The following IPO4 variants were observed in gnomAD, a reference collection of about 807,000 sequenced individuals.
IPO4 encodes the protein importin-4.
Under a neutral mutation model 133.5 loss-of-function variants are expected in IPO4, and 91 were observed. The observed-to-expected ratio is 0.68, with a 90% CI of 0.58 to 0.81. The LOEUF is 0.81. Ranked by LOEUF, IPO4 falls within the 30% of genes least tolerant of loss-of-function variation. IPO4 has a pLI of 0.00. For missense variants in IPO4, 1,279 were observed against 1,386.2 expected (o/e 0.92, Z 1.23); for synonymous variants, 607 against 581.6 (o/e 1.04, Z -0.63).
In IPO4 at chr14:24,187,657, G is replaced by A; in HGVS notation, c.408+10C>T. 1 of 1,613,862 alleles carries A rather than the reference G, an allele frequency of 6.2e-7. No individual in the cohort carries two copies. The highest frequency in any genetic ancestry group is 8.5e-7 in the Non-Finnish European group (1 of 1,179,702). Reference sequence around the variant, plus strand: ...TCAGGCCCTCCCTCCTGCCAACCATGTGATGGTACCTCTCTCTCTGGGCTG... The same window carrying A: ...TCAGGCCCTCCCTCCTGCCAACCATATGATGGTACCTCTCTCTCTGGGCTG... On this transcript the variant is annotated intron_variant, in intron 5 of 29. Transcript: ENST00000354464.
Position 24,181,969 on chromosome 14 carries a change from GCCC to G in IPO4, c.2790_2792del (p.Gly931del). The stretch of plus-strand genomic sequence containing the variant: ...GCCAAGGATACTCCTGGGCAGGGTG[GCCC>G]CCATGCTCTGCCAGCACGCCCATCC... On this transcript the variant is annotated inframe_deletion, in exon 26 of 30. Transcript: ENST00000354464. 1.2e-6 allele frequency: 2 copies of G among 1,611,238 alleles called. No homozygotes were observed. The highest frequency in any genetic ancestry group is 1.7e-6 in the Non-Finnish European group (2 of 1,180,020).
In IPO4 at chr14:24,187,695, G is replaced by A; in HGVS notation, c.380C>T (p.Thr127Ile). 3 of 1,614,258 alleles carry A rather than the reference G, an allele frequency of 1.9e-6. No homozygotes were observed. Among genetic ancestry groups the A allele is most frequent in the Non-Finnish European group, 2.5e-6 (3 of 1,180,050 alleles). Residue 127 changes from threonine to isoleucine, a missense_variant, in exon 5 of 30, where the codon ACC (threonine) becomes ATC (isoleucine). Coordinates refer to ENST00000354464, the MANE Select transcript of IPO4 (RefSeq NM_024658.4). ...PQLLQLLQHS[T>I]HSPHSPEREM... ...TCTCTCTGGGCTGTGGGGGCTGTGGGTACTGTGCTGAAGCAGCTGCAAAAG... is the reference window on the plus strand; with the variant it reads ...TCTCTCTGGGCTGTGGGGGCTGTGGATACTGTGCTGAAGCAGCTGCAAAAG...
chr14:24,188,479 G>T, intron 2 of IPO4, 56 bp from the exon 3 acceptor site: 1 of 1,605,982 alleles, frequency 6.2e-7, no homozygotes, highest in Non-Finnish European at 8.5e-7. Context: ...TGAGCGGACC[G>T]CAGTGGGCGA....
chr14:24,188,689 C>T (rs1277511550), intron 1 of IPO4, 30 bp downstream of exon 1: 2 of 1,598,598 alleles, frequency 1.3e-6, no homozygotes, highest in Non-Finnish European at 1.7e-6. Flanking sequence ...ACCTCCCGCT[C>T]GCCCTGGCCC....
Position 24,181,619 on chromosome 14 carries a change from T to C in IPO4, c.2941-2A>G, listed in dbSNP as rs747836677. 2 of 1,614,050 alleles carry C rather than the reference T, an allele frequency of 1.2e-6. No homozygotes were observed. The highest frequency in any genetic ancestry group is 1.7e-5 in the Admixed American group (1 of 60,018). On this transcript the variant is annotated splice_acceptor_variant, in intron 27 of 29. Transcript: ENST00000354464. LOFTEE classifies it high-confidence loss of function. ...GGCATGCAGTAGGGCAGCCAGCACC[T>C]GGGCACACAAATGTCTCAGGCCAAC...
Position 24,188,229 on chromosome 14 carries a change from G to T in IPO4, c.265C>A (p.Gln89Lys). 6.2e-7 allele frequency: 1 copy of T among 1,613,524 alleles called. No individual in the cohort carries two copies. Among genetic ancestry groups the T allele is most frequent in the Non-Finnish European group, 8.5e-7 (1 of 1,179,736 alleles). Residue 89 changes from glutamine to lysine, a missense_variant, in exon 4 of 30, where the codon CAG becomes AAG. Gln to Lys is a moderately conservative substitution (Grantham distance 53). Coordinates refer to ENST00000354464, the MANE Select transcript of IPO4 (RefSeq NM_024658.4). Reference sequence around the variant, plus strand: ...GTAGGTACTTACTCTGTTTCTCTCTGCAGGGCCGTCAGGATCAGGGACTTG... The same window carrying T: ...GTAGGTACTTACTCTGTTTCTCTCTTCAGGGCCGTCAGGATCAGGGACTTG... ...SLKSLILTAL[Q>K]RETEHCVSLS...
Position 24,184,126 on chromosome 14 carries a change from G to A in IPO4, c.1758-17C>T, listed in dbSNP as rs1014763692. ...AGGCTGTACCTGGTCAAAGCAGGCA[G>A]AAGAAGCTGTAAGGTCCTGCCTGCT... is the stretch of plus-strand genomic sequence containing the variant. On this transcript the variant is annotated splice_polypyrimidine_tract_variant and intron_variant, in intron 17 of 29. Transcript: ENST00000354464. The A allele has an allele frequency of 1.2e-6, 2 of 1,608,698 alleles. No homozygotes were observed. The highest frequency in any genetic ancestry group is 1.7e-6 in the Non-Finnish European group (2 of 1,177,170).
chr14:24,182,092 A>G lies in IPO4; in HGVS notation c.2670T>C (p.Gly890=), dbSNP rs1280407818. ...GTLAETIQGL[G]AASAQFVSRL... ...GAGACACAAACTGGGCTGAGGCAGC[A>G]CCCAGGCCCTGAATAGTCTCTGCCA... The change falls in exon 26 of 30, where the codon GGT becomes GGC. Residue 890 remains glycine (G), a synonymous_variant. Coordinates refer to ENST00000354464, the MANE Select transcript of IPO4 (RefSeq NM_024658.4). 1 of 1,614,002 alleles carries G rather than the reference A, an allele frequency of 6.2e-7. No individual in the cohort carries two copies. Among genetic ancestry groups the G allele is most frequent in the South Asian group, 1.1e-5 (1 of 91,084 alleles).
At position 24,188,237 on chromosome 14, in the gene IPO4, G is replaced by A; in HGVS notation, c.257C>T (p.Thr86Met). ...TTACTCTGTTTCTCTCTGCAGGGCC[G>A]TCAGGATCAGGGACTTGAGGCTGGA... Reference protein sequence around the residue: ...QRESLKSLILTALQRETEHCV... With the variant: ...QRESLKSLILMALQRETEHCV... Residue 86 changes from threonine (T) to methionine (M), a missense_variant, in exon 4 of 30, where the codon ACG (threonine) becomes ATG (methionine). Coordinates refer to ENST00000354464, the MANE Select transcript of IPO4 (RefSeq NM_024658.4). 6.2e-7 allele frequency: 1 copy of A among 1,613,568 alleles called. No individual in the cohort carries two copies. The highest frequency in any genetic ancestry group is 8.5e-7 in the Non-Finnish European group (1 of 1,179,766).
chr14:24,181,797 C>T lies in IPO4; in HGVS notation c.2854G>A (p.Glu952Lys). 1 of 1,599,278 alleles carries T rather than the reference C, an allele frequency of 6.3e-7. No homozygotes were observed. ...LGLLFPLLARERHDRVRDNIC... is the reference protein window; with the variant it reads ...LGLLFPLLARKRHDRVRDNIC... Reference sequence around the variant, plus strand: ...TTGTCACGGACACGATCATGTCGCTCCCGCGCCAGGAGGGGAAAAAGGAGC... The same window carrying T: ...TTGTCACGGACACGATCATGTCGCTTCCGCGCCAGGAGGGGAAAAAGGAGC... The change falls in exon 27 of 30, where the codon GAG becomes AAG. Residue 952 changes from glutamate to lysine, a missense_variant. Physicochemically the swap from Glu to Lys is moderately conservative, Grantham distance 56. This residue lies in a region of IPO4 where 575 missense variants were observed against 653.4 expected (regional missense o/e 0.88). Transcript: ENST00000354464.
intron 23 of IPO4, 32 bp downstream of exon 23, chr14:24,182,944 T>A (rs756317685): frequency 6.2e-7 from 1 of 1,613,110 alleles, no homozygotes; most frequent in Non-Finnish European, 8.5e-7. Flanking sequence ...GCCCAGCACC[T>A]CTCCTTCCCG....
At position 24,183,107 on chromosome 14, in the gene IPO4, C is replaced by G. The variant is rs774777117; in HGVS notation, c.2290G>C (p.Glu764Gln). The change falls in exon 23 of 30, where the codon GAA becomes CAA. Residue 764 changes from glutamate to glutamine, a missense_variant. Physicochemically the swap from Glu to Gln is conservative, Grantham distance 29. This residue lies in a region of IPO4 where 575 missense variants were observed against 653.4 expected (regional missense o/e 0.88). Transcript: ENST00000354464. Reference protein sequence around the residue: ...SYMQAVNRERERQVVMAVLEA... With the variant: ...SYMQAVNRERQRQVVMAVLEA... ...AGCACGGCCATCACCACCTGGCGTTCCCGCTCCCTGTTCACTGCCTGCATG... is the reference window on the plus strand; with the variant it reads ...AGCACGGCCATCACCACCTGGCGTTGCCGCTCCCTGTTCACTGCCTGCATG... 12 of 1,613,816 alleles carry G rather than the reference C, an allele frequency of 7.4e-6. No homozygotes were observed. The highest frequency in any genetic ancestry group is 9.3e-6 in the Non-Finnish European group (11 of 1,180,040).
chr14:24,187,981 G>C (rs2039250086), intron 4 of IPO4, 185 bp from the exon 5 acceptor site: 2 of 782,688 alleles, frequency 2.6e-6, no homozygotes, highest in Non-Finnish European at 4.1e-6. Flanking sequence ...ATGTAATCTG[G>C]TAAGTTCAGT....
intron 5 of IPO4, 40 bp downstream of exon 5, chr14:24,187,627 G>GC: frequency 6.2e-7 from 1 of 1,613,690 alleles, no homozygotes; most frequent in Non-Finnish European, 8.5e-7. Flanking sequence ...GGTCTATCCA[G>GC]CCTCTCAGGC....
chr14:24,186,184 T>A lies in IPO4; in HGVS notation c.1006-2A>T, dbSNP rs763177182. ...GTGTAGTGCCAGCATGTCCACAACC[T>A]GAGATGGGATGGGGAGACTTACTTT... On this transcript the variant is annotated splice_acceptor_variant, in intron 10 of 29. Transcript: ENST00000354464. LOFTEE classifies it high-confidence loss of function. The A allele has an allele frequency of 6.2e-7, 1 of 1,613,774 alleles. No homozygotes were observed. The highest frequency in any genetic ancestry group is 1.1e-5 in the South Asian group (1 of 91,060).
chr14:24,188,695 G>A (rs1421662845), intron 1 of IPO4, 24 bp downstream of exon 1: 1 of 1,599,320 alleles, frequency 6.3e-7, no homozygotes, highest in African/African-American at 1.3e-5. Context: ...CGCTCGCCCT[G>A]GCCCGGTTAC....
At position 24,181,508 on chromosome 14, in the gene IPO4, G is replaced by A; in HGVS notation, c.3045+5C>T. Reference sequence around the variant, plus strand: ...CCCTCTGAGGGCTGCCAGCAGCAAGGTTACCTGGTCAGGGCTGCTCTGGTA... The same window carrying A: ...CCCTCTGAGGGCTGCCAGCAGCAAGATTACCTGGTCAGGGCTGCTCTGGTA... On this transcript the variant is annotated splice_donor_5th_base_variant and intron_variant, in intron 28 of 29. Coordinates refer to ENST00000354464, the MANE Select transcript of IPO4 (RefSeq NM_024658.4). 6.4e-7 allele frequency: 1 copy of A among 1,555,976 alleles called. No individual in the cohort carries two copies. The highest frequency in any genetic ancestry group is 8.7e-7 in the Non-Finnish European group (1 of 1,149,052).
chr14:24,186,184 T>C lies in IPO4; in HGVS notation c.1006-2A>G. 6.2e-7 allele frequency: 1 copy of C among 1,613,774 alleles called. No homozygotes were observed. The highest frequency in any genetic ancestry group is 8.5e-7 in the Non-Finnish European group (1 of 1,179,842). On this transcript the variant is annotated splice_acceptor_variant, in intron 10 of 29. Transcript: ENST00000354464. LOFTEE classifies it high-confidence loss of function. ...GTGTAGTGCCAGCATGTCCACAACC[T>C]GAGATGGGATGGGGAGACTTACTTT...
chr14:24,183,542 G>C (rs1008308626), intron 20 of IPO4, 29 bp from the exon 21 acceptor site: 2 of 1,614,064 alleles, frequency 1.2e-6, no homozygotes, highest in African/African-American at 1.3e-5. Flanking sequence ...CCGTGGGTAA[G>C]GGGCCCCCAG....
Sources: allele counts gnomAD v4.1 joint callset, GRCh38; gene constraint gnomAD v4.1.1; regional missense constraint gnomAD v4.1.1; transcripts MANE v1.5; gene names NCBI Gene and HGNC (gene_info 2026-07-23, HGNC 2026-07-21).